ATP2A1: variants seen among roughly 807,000 people sequenced by gnomAD.
ATP2A1 encodes sarcoplasmic/endoplasmic reticulum calcium ATPase 1.
In ATP2A1, 83 loss-of-function variants were observed where a neutral mutation model predicts 109.5. The observed-to-expected ratio is 0.76, with a 90% confidence interval of 0.63 to 0.91. The LOEUF is 0.91. Among genes scored for constraint, ATP2A1 ranks in the 40% least tolerant of loss-of-function variants. The pLI is 0.00. For synonymous variants in ATP2A1, 505 were observed against 537.6 expected, an observed-to-expected ratio of 0.94 and a Z score of 0.84; for missense variants, 1,101 against 1,341.0, an observed-to-expected ratio of 0.82 and a Z score of 2.80.
rs1964094659 is a variant in ATP2A1, at chr16:28,902,136, T to C, written c.2322-48T>C. ...GAAGCCGGGGTTAGGGTGGGGTGGC[T>C]GCAGGTCTGGGAGGCAGGACAGAGG... is the stretch of plus-strand genomic sequence containing the variant. On this transcript the variant is annotated intron_variant, in intron 16 of 22. Coordinates refer to ENST00000395503, the MANE Select transcript of ATP2A1 (RefSeq NM_004320.6). The surrounding 1 kb of genome is among the most constrained non-coding windows in gnomAD (Gnocchi z 4.8). 2 of 1,613,768 alleles carry C rather than the reference T, an allele frequency of 1.2e-6. No homozygotes were observed. Among genetic ancestry groups the C allele is most frequent in the South Asian group, 2.2e-5 (2 of 91,072 alleles).
In ATP2A1 at chr16:28,878,843, AAC is replaced by A. The variant is rs751849042; in HGVS notation, c.118+59_118+60del. The A allele has an allele frequency of 1.1e-3, 1,724 of 1,559,000 alleles. 1 individual carries two copies. The highest frequency in any genetic ancestry group is 1.5e-3 in the Non-Finnish European group (1,642 of 1,130,088). On this transcript the variant is annotated intron_variant, in intron 1 of 22. Transcript: ENST00000395503. ...AATTAATGCCCTCCTGCACCCCCAA[AAC>A]ACACGCACACGCATGCACGCGTTTC...
intron 9 of ATP2A1, among the ~76,000 whole-genome samples, chr16:28,890,767 C>A (rs1963748780): frequency 2.0e-5 from 3 of 151,998 alleles, no homozygotes; most frequent in African/African-American, 7.2e-5. Context: ...CTCACTACAA[C>A]CTTCACCTCC....
At position 28,903,861 on chromosome 16, in the gene ATP2A1, C is replaced by T. The variant is rs1237569949; in HGVS notation, c.*37+120C>T. ...TCGCAGCTCCACCTGGAGCCGTTGC[C>T]ACTGCTGCTGCTGCGCTTCCAGTCA... is the stretch of plus-strand genomic sequence containing the variant. On this transcript the variant is annotated intron_variant, in intron 22 of 22. Coordinates refer to ENST00000395503, the MANE Select transcript of ATP2A1 (RefSeq NM_004320.6). This position sits in a 1 kb window ranked among gnomAD's most constrained non-coding sequence, Gnocchi z 5.6. 4 of 1,003,546 alleles carry T rather than the reference C, an allele frequency of 4.0e-6. No homozygotes were observed. The Admixed American group carries it at 6.9e-5, about 17-fold the overall frequency. The allele number at this position is 1,003,546 out of a possible 1,614,324, so 62.2% of individuals were successfully genotyped here.
In ATP2A1 at chr16:28,888,969, G is replaced by C; in HGVS notation, c.1095+16G>C. 6.2e-7 allele frequency: 1 copy of C among 1,613,900 alleles called. No individual in the cohort carries two copies. The highest frequency in any genetic ancestry group is 8.5e-7 in the Non-Finnish European group (1 of 1,180,004). ...TGTCTGCAAGGTCAGGAGCAGTGTGGGCAGCGCGCTCAGTCAGAAGGCTGC... is the reference window on the plus strand; with the variant it reads ...TGTCTGCAAGGTCAGGAGCAGTGTGCGCAGCGCGCTCAGTCAGAAGGCTGC... On this transcript the variant is annotated intron_variant, in intron 9 of 22. Transcript: ENST00000395503.
chr16:28,902,624 C>T lies in ATP2A1; in HGVS notation c.2569C>T (p.Leu857=). The change falls in exon 18 of 23, where the codon CTG becomes TTG. Residue 857 remains leucine, a synonymous_variant. Transcript: ENST00000395503. This position sits in a 1 kb window ranked among gnomAD's most constrained non-coding sequence, Gnocchi z 4.8. ...CGTGGGAGCAGCTGCCTGGTGGTTC[C>T]TGTACGCTGAGGATGGGCCTCATGT... The part of the protein sequence containing the change: ...ATVGAAAWWF[L]YAEDGPHVNY... The T allele has an allele frequency of 1.2e-6, 2 of 1,614,120 alleles. No homozygotes were observed. Among genetic ancestry groups the T allele is most frequent in the Non-Finnish European group, 1.7e-6 (2 of 1,179,996 alleles).
rs1207335206 is a variant in ATP2A1, at chr16:28,902,567, C to T, written c.2525-13C>T. On this transcript the variant is annotated splice_polypyrimidine_tract_variant and intron_variant, in intron 17 of 22. Transcript: ENST00000395503. The surrounding 1 kb of genome is among the most constrained non-coding windows in gnomAD (Gnocchi z 4.8). ...CCCAGCCCTGACCCCCGACTCCCCT[C>T]TCTCCACCACAGGCTATGTGGGTGC... is the stretch of plus-strand genomic sequence containing the variant. The T allele has an allele frequency of 8.1e-6, 13 of 1,613,848 alleles. No individual in the cohort carries two copies. The highest frequency in any genetic ancestry group is 1.1e-5 in the Non-Finnish European group (13 of 1,179,762).
intron 15 of ATP2A1, among the ~76,000 whole-genome samples, chr16:28,901,189 T>G (rs1384933506): frequency 6.6e-6 from 1 of 151,138 alleles, no homozygotes; most frequent in African/African-American, 2.4e-5. Context: ...AAAAATAAAT[T>G]TAGCCTCACA....
At chr16:28,901,274 A>G (rs113934061) in intron 15 of ATP2A1, among the ~76,000 whole-genome samples, 7,723 of 150,680 alleles carry the variant, frequency 0.051, 684 homozygotes, top group African/African-American at 0.18. Flanking sequence ...GGGTGCAGAA[A>G]GTTATGACTG....
chr16:28,880,062 G>A lies in ATP2A1; in HGVS notation c.219+479G>A, dbSNP rs917011900. 118 of 1,004,646 alleles carry A rather than the reference G, an allele frequency of 1.2e-4. 1 individual carries two copies. In the African/African-American group the frequency reaches 1.4e-3, roughly 12 times the overall value. 62.2% of individuals were successfully genotyped at this position (1,004,646 alleles called of 1,614,324 possible). A position where few individuals can be genotyped will look rare whatever the true frequency, so the allele number is the denominator to read the frequency against. On this transcript the variant is annotated intron_variant, in intron 3 of 22. Coordinates refer to ENST00000395503, the MANE Select transcript of ATP2A1 (RefSeq NM_004320.6). This position sits in a 1 kb window ranked among gnomAD's most constrained non-coding sequence, Gnocchi z 4.2. ...CTCCTAGTGGCGGGAAAGCGCGGCG[G>A]TGTGATGATGACTCCAAGGAGCCCG...
At position 28,894,857 on chromosome 16, in the gene ATP2A1, C is replaced by T. The variant is rs745749841; in HGVS notation, c.1323C>T (p.Thr441=). 9 of 1,611,478 alleles carry T rather than the reference C, an allele frequency of 5.6e-6. No individual in the cohort carries two copies. Among genetic ancestry groups the T allele is most frequent in the Middle Eastern group, 1.6e-4 (1 of 6,062 alleles). Residue 441 remains threonine, a synonymous_variant, in exon 12 of 23, where the codon ACC becomes ACT. Coordinates refer to ENST00000395503, the MANE Select transcript of ATP2A1 (RefSeq NM_004320.6). The part of the protein sequence containing the change: ...KGVYEKVGEA[T]ETALTTLVEK... ...TCTATGAGAAGGTCGGCGAGGCCAC[C>T]GAGACAGCACTCACCACCCTGGTGG...
In ATP2A1 at chr16:28,898,566, C is replaced by T. The variant is rs1191638832; in HGVS notation, c.1764+115C>T. The T allele has an allele frequency of 1.7e-6, 2 of 1,209,510 alleles. No homozygotes were observed. Among genetic ancestry groups the T allele is most frequent in the African/African-American group, 1.5e-5 (1 of 66,096 alleles). The allele number at this position is 1,209,510 out of a possible 1,614,324, so 74.9% of individuals were successfully genotyped here. On this transcript the variant is annotated intron_variant, in intron 14 of 22. Transcript: ENST00000395503. The surrounding 1 kb of genome is among the most constrained non-coding windows in gnomAD (Gnocchi z 4.0). Reference sequence around the variant, plus strand: ...CCTACCTCGTCAGTCAAGTTGATGGCTCCTTAGTACAGGCCATGGAATCAC... The same window carrying T: ...CCTACCTCGTCAGTCAAGTTGATGGTTCCTTAGTACAGGCCATGGAATCAC...
At chr16:28,886,675 C>T (rs1963619211) in intron 6 of ATP2A1, among the ~76,000 whole-genome samples, 1 of 151,820 alleles carries the variant, frequency 6.6e-6, no homozygotes, top group African/African-American at 2.4e-5. Context: ...CAAGCTGGGG[C>T]TTGGGTCGAG....
Position 28,880,241 on chromosome 16 carries a change from C to T in ATP2A1, c.219+658C>T. 3.1e-6 allele frequency: 2 copies of T among 644,242 alleles called. No individual in the cohort carries two copies. Among genetic ancestry groups the T allele is most frequent in the Non-Finnish European group, 3.9e-6 (2 of 514,194 alleles). The allele number at this position is 644,242 out of a possible 1,614,324, so 39.9% of individuals were successfully genotyped here. On this transcript the variant is annotated intron_variant, in intron 3 of 22. Transcript: ENST00000395503. This position sits in a 1 kb window ranked among gnomAD's most constrained non-coding sequence, Gnocchi z 4.2. ...GGGGGCTACTCCCCATCCCGCGGTCCATCTGCATGTCGCGGGTTCTTCCGC... is the reference window on the plus strand; with the variant it reads ...GGGGGCTACTCCCCATCCCGCGGTCTATCTGCATGTCGCGGGTTCTTCCGC...
intron 9 of ATP2A1, 67 bp downstream of exon 9, chr16:28,889,020 A>C: frequency 1.3e-6 from 2 of 1,589,296 alleles, no homozygotes; most frequent in Admixed American, 1.7e-5. Flanking sequence ...GGGCCCTCCA[A>C]AGATAGAGGT....
intron 1 of ATP2A1, 99 bp from the exon 2 acceptor site, chr16:28,879,000 T>A: frequency 1.3e-6 from 2 of 1,534,388 alleles, no homozygotes; most frequent in Non-Finnish European, 1.8e-6. Context: ...TTGATGAACC[T>A]CAAGGTGGCC....
At chr16:28,896,419 GT>G (rs888670211) in intron 12 of ATP2A1, among the ~76,000 whole-genome samples, 5 of 143,876 alleles carry the variant, frequency 3.5e-5, no homozygotes, top group Admixed American at 1.4e-4. Context: ...GTAGAGACGA[GT>G]TTTTTTTTTT....
intron 8 of ATP2A1, among the ~76,000 whole-genome samples, chr16:28,888,062 A>G (rs1403449136): frequency 2.0e-5 from 3 of 151,530 alleles, no homozygotes; most frequent in East Asian, 3.9e-4. Flanking sequence ...TGGCCTCCCA[A>G]AGTGCTGGGA....
chr16:28,881,994 G>A (rs548946978), intron 4 of ATP2A1, among the ~76,000 whole-genome samples: 1 of 151,412 alleles, frequency 6.6e-6, no homozygotes, highest in Non-Finnish European at 1.5e-5. Flanking sequence ...CTGGAGTGCA[G>A]TGGCGTAATC....
chr16:28,900,549 C>A (rs775701263), intron 14 of ATP2A1, 32 bp from the exon 15 acceptor site: 1 of 1,532,676 alleles, frequency 6.5e-7, no homozygotes, highest in Non-Finnish European at 8.8e-7. Flanking sequence ...AGATCCCCAC[C>A]TGACCTGTGG....
Sources: gnomAD v4.1 joint callset for allele counts (sites outside exome capture counted in the v4.1 genomes callset) on GRCh38, gnomAD v4.1.1 for gene constraint, Gnocchi (gnomAD v3.1) non-coding constraint, MANE v1.5 for transcripts, NCBI Gene and HGNC (gene_info 2026-07-23, HGNC 2026-07-21) for gene names.